SNTG1: variants seen among roughly 807,000 people sequenced by gnomAD.
The protein encoded by SNTG1 is syntrophin gamma 1.
A neutral mutation model predicts 74.7 loss-of-function variants in SNTG1; 39 were observed. The ratio of observed to expected loss-of-function variants is 0.52; its 90% confidence interval spans 0.40 to 0.68. The LOEUF is 0.68. SNTG1 is among the 30% of genes least tolerant of loss of function. The pLI is 0.00. For synonymous variants in SNTG1, 254 were observed against 217.1 expected (o/e 1.17, Z -1.49); for missense variants, 685 against 609.5 (o/e 1.12, Z -1.30).
chr8:50,619,747 A>G lies in SNTG1; in HGVS notation c.849+28830A>G, dbSNP rs536191386. Among the ~76,000 whole-genome samples the G allele has an allele frequency of 4.0e-3, 610 of 151,566 alleles. 5 individuals are homozygous for G. Among genetic ancestry groups the G allele is most frequent in the African/African-American group, 0.014 (571 of 41,324 alleles). On this transcript the variant is annotated intron_variant, in intron 13 of 18. Transcript: ENST00000642720. Reference sequence around the variant, plus strand: ...CTCCGTCTCGAAAAAAAAAAAAAAAAAAAGAAAGATACATGGTTCCCAGGA... The same window carrying G: ...CTCCGTCTCGAAAAAAAAAAAAAAAGAAAGAAAGATACATGGTTCCCAGGA...
intron 1 of SNTG1, among the ~76,000 whole-genome samples, chr8:49,966,679 GCCA>G (rs1209396113): frequency 3.3e-5 from 5 of 152,044 alleles, no homozygotes; most frequent in Admixed American, 6.6e-5. Flanking sequence ...ACAGGTGTCA[GCCA>G]CCACGCCCAG....
At chr8:50,230,013 C>A (rs956005445) in intron 2 of SNTG1, among the ~76,000 whole-genome samples, 1 of 151,388 alleles carries the variant, frequency 6.6e-6, no homozygotes, top group Admixed American at 6.6e-5. Context: ...TCAAGACTAA[C>A]TTAAAAATAT....
At chr8:50,242,639 T>G (rs1047754072) in intron 2 of SNTG1, among the ~76,000 whole-genome samples, 2 of 151,548 alleles carry the variant, frequency 1.3e-5, no homozygotes, top group African/African-American at 4.8e-5. Flanking sequence ...TTCCAACTTG[T>G]GAGGTGTGGG....
chr8:50,779,886 T>C (rs1292647003), intron 18 of SNTG1, among the ~76,000 whole-genome samples: 1 of 148,756 alleles, frequency 6.7e-6, no homozygotes, highest in Non-Finnish European at 1.5e-5. Flanking sequence ...CATCAATACC[T>C]AATTTATTGA....
At chr8:50,361,208 G>C (rs571401964) in intron 2 of SNTG1, among the ~76,000 whole-genome samples, 86 of 152,138 alleles carry the variant, frequency 5.7e-4, no homozygotes, top group African/African-American at 1.9e-3. Context: ...GCCTGCACAG[G>C]GTCAGAATCA....
At chr8:50,076,541 A>G (rs10504094) in intron 1 of SNTG1, among the ~76,000 whole-genome samples, 31,125 of 152,100 alleles carry the variant, frequency 0.2, 3,320 homozygotes, top group South Asian at 0.38. Context: ...CTTAGGATAA[A>G]TACAAATCAA....
chr8:50,167,488 T>A (rs1281854872), intron 1 of SNTG1, among the ~76,000 whole-genome samples: 1 of 151,720 alleles, frequency 6.6e-6, no homozygotes, highest in East Asian at 1.9e-4. Context: ...TGATTATATG[T>A]AATGGTCCTG....
At chr8:50,572,917 G>T (rs987054303) in intron 12 of SNTG1, among the ~76,000 whole-genome samples, 1 of 151,936 alleles carries the variant, frequency 6.6e-6, no homozygotes, top group African/African-American at 2.4e-5. Context: ...TAGCTTTTTG[G>T]TTAAATCTTC....
intron 11 of SNTG1, among the ~76,000 whole-genome samples, chr8:50,545,403 T>G (rs1006239662): frequency 2.0e-5 from 3 of 150,768 alleles, no homozygotes; most frequent in African/African-American, 4.8e-5. Context: ...TCTTTTAATC[T>G]CTTCAAGCTT....
intron 13 of SNTG1, among the ~76,000 whole-genome samples, chr8:50,601,058 C>A (rs1218284196): frequency 7.0e-6 from 1 of 143,424 alleles, no homozygotes; most frequent in Non-Finnish European, 1.5e-5. Context: ...GTAGTCCCAG[C>A]TGCTTGGGAG....
chr8:50,623,302 G>C (rs2094935506), intron 13 of SNTG1, among the ~76,000 whole-genome samples: 1 of 152,020 alleles, frequency 6.6e-6, no homozygotes. Flanking sequence ...GGTAGCTGTG[G>C]GGTTGTTATA....
intron 9 of SNTG1, among the ~76,000 whole-genome samples, chr8:50,518,899 T>C (rs947790109): frequency 6.6e-6 from 1 of 152,286 alleles, no homozygotes; most frequent in East Asian, 1.9e-4. Context: ...GCACCATTCC[T>C]TCTGAAACTA....
At chr8:50,459,510 G>A (rs1207716425) in intron 8 of SNTG1, among the ~76,000 whole-genome samples, 1 of 151,952 alleles carries the variant, frequency 6.6e-6, no homozygotes, top group Non-Finnish European at 1.5e-5. Context: ...TATGCAAAAT[G>A]ATATACATTT....
intron 18 of SNTG1, among the ~76,000 whole-genome samples, chr8:50,774,716 AT>A (rs1043479120): frequency 6.6e-6 from 1 of 151,760 alleles, no homozygotes; most frequent in Non-Finnish European, 1.5e-5. Context: ...CTTCTAATTG[AT>A]TTAAAAGAAA....
chr8:50,387,235 C>A (rs984571402), intron 2 of SNTG1, among the ~76,000 whole-genome samples: 1 of 152,084 alleles, frequency 6.6e-6, no homozygotes, highest in Non-Finnish European at 1.5e-5. Context: ...TGTAAGGATT[C>A]CAGTTCAGTG....
intron 2 of SNTG1, among the ~76,000 whole-genome samples, chr8:50,305,667 CT>C (rs1266933434): frequency 2.0e-5 from 3 of 150,958 alleles, no homozygotes; most frequent in South Asian, 2.1e-4. Flanking sequence ...TTGTCTGTTA[CT>C]TTTTTTAATA....
intron 8 of SNTG1, among the ~76,000 whole-genome samples, chr8:50,452,091 C>T (rs2093462903): frequency 1.3e-5 from 2 of 152,140 alleles, no homozygotes. Context: ...CTGTGAAAAG[C>T]CACGGCTGCA....
intron 1 of SNTG1, among the ~76,000 whole-genome samples, chr8:50,085,323 T>C (rs1315198068): frequency 6.6e-6 from 1 of 152,218 alleles, no homozygotes; most frequent in East Asian, 1.9e-4. Context: ...AATGTCACAA[T>C]TCACAAAACT....
At chr8:50,577,446 T>A (rs1445332274) in intron 12 of SNTG1, among the ~76,000 whole-genome samples, 1 of 151,016 alleles carries the variant, frequency 6.6e-6, no homozygotes, top group East Asian at 1.9e-4. Context: ...TATTGGTCCA[T>A]AGTTTTTTTT....
Sources: gnomAD v4.1 joint callset for allele counts (sites outside exome capture counted in the v4.1 genomes callset) on GRCh38, gnomAD v4.1.1 for gene constraint, MANE v1.5 for transcripts, NCBI Gene and HGNC (gene_info 2026-07-23, HGNC 2026-07-21) for gene names.